Variants in RBMS3 observed in about 807,000 individuals in gnomAD.
RBMS3 encodes the protein RNA-binding motif, single-stranded-interacting protein 3.
RBMS3 carries 27 observed loss-of-function variants against 66.8 expected under a neutral mutation model. The observed-to-expected ratio is 0.40, with a 90% confidence interval of 0.30 to 0.56. The LOEUF (loss-of-function observed/expected upper bound fraction) is 0.56. Ranked by LOEUF, RBMS3 falls within the 20% of genes least tolerant of loss-of-function variation. RBMS3 has a pLI of 0.40. For missense variants in RBMS3, 513 were observed against 549.5 expected, an observed-to-expected ratio of 0.93 and a Z score of 0.66; for synonymous variants, 188 against 183.0, an observed-to-expected ratio of 1.03 and a Z score of -0.22.
chr3:29,683,763 T>C (rs549536954), intron 4 of RBMS3, among the ~76,000 whole-genome samples: 4 of 152,358 alleles, frequency 2.6e-5, no homozygotes, highest in South Asian at 2.1e-4. Context: ...TTTTCTTTCT[T>C]ATCACTTTTT....
chr3:29,861,285 T>C (rs79731431), intron 6 of RBMS3, among the ~76,000 whole-genome samples: 1 of 152,198 alleles, frequency 6.6e-6, no homozygotes, highest in Non-Finnish European at 1.5e-5. Flanking sequence ...ATAAACTGCT[T>C]CTGTTGTCGT....
In RBMS3 at chr3:29,771,299, A is replaced by T. The variant is rs73831018; in HGVS notation, c.637+8310A>T. ...ATTAGACTGTAGGTTTTTCTGAGAAAGAACTTTGATGTTTATCTCTCCCAT... is the reference window on the plus strand; with the variant it reads ...ATTAGACTGTAGGTTTTTCTGAGAATGAACTTTGATGTTTATCTCTCCCAT... On this transcript the variant is annotated intron_variant, in intron 6 of 14. Coordinates refer to ENST00000383767, the MANE Select transcript of RBMS3 (RefSeq NM_001003793.3). Among the ~76,000 whole-genome samples, 70 of 152,150 alleles carry T rather than the reference A, an allele frequency of 4.6e-4. 1 individual carries two copies. The highest frequency in any genetic ancestry group is 1.6e-3 in the African/African-American group (68 of 41,546).
intron 1 of RBMS3, among the ~76,000 whole-genome samples, chr3:29,320,506 CAG>C (rs993151338): frequency 3.3e-5 from 5 of 151,958 alleles, no homozygotes; most frequent in Non-Finnish European, 7.4e-5. Context: ...CATACTATCA[CAG>C]AGAAAAATTT....
chr3:29,738,804 G>A (rs1427602986), intron 4 of RBMS3, among the ~76,000 whole-genome samples: 1 of 152,122 alleles, frequency 6.6e-6, no homozygotes, highest in African/African-American at 2.4e-5. Context: ...GCATTTCTGG[G>A]ACTATACTTT....
intron 8 of RBMS3, among the ~76,000 whole-genome samples, chr3:29,886,089 T>C (rs563434383): frequency 3.9e-5 from 6 of 151,986 alleles, no homozygotes; most frequent in African/African-American, 1.4e-4. Flanking sequence ...ATTTCTAACT[T>C]CTTACATCTT....
chr3:29,364,864 T>C (rs965828975), intron 1 of RBMS3, among the ~76,000 whole-genome samples: 3 of 152,248 alleles, frequency 2.0e-5, no homozygotes, highest in East Asian at 1.9e-4. Context: ...TGTCGACCAA[T>C]TGCTTCCTCC....
At chr3:29,799,011 A>T (rs1230839101) in intron 6 of RBMS3, among the ~76,000 whole-genome samples, 2 of 146,394 alleles carry the variant, frequency 1.4e-5, no homozygotes, top group Admixed American at 1.4e-4. Context: ...TTTTTTCTTC[A>T]ACCTCTTTAA....
At chr3:29,734,414 C>T (rs2054286459) in intron 4 of RBMS3, among the ~76,000 whole-genome samples, 1 of 151,984 alleles carries the variant, frequency 6.6e-6, no homozygotes, top group South Asian at 2.1e-4. Flanking sequence ...ATGTTCCCAA[C>T]ACAAAGAAAT....
chr3:29,603,345 TTTAA>T (rs1438688377), intron 4 of RBMS3, among the ~76,000 whole-genome samples: 1 of 152,022 alleles, frequency 6.6e-6, no homozygotes, highest in African/African-American at 2.4e-5. Flanking sequence ...GCTCTTTCTT[TTTAA>T]TTGAGTAGGA....
intron 4 of RBMS3, among the ~76,000 whole-genome samples, chr3:29,655,841 TG>T (rs1322724801): frequency 1.3e-5 from 2 of 151,980 alleles, no homozygotes; most frequent in African/African-American, 2.4e-5. Context: ...AGACTTCTCG[TG>T]GAGCAGGATG....
At chr3:29,763,020 A>G in intron 6 of RBMS3, 31 bp downstream of exon 6, 1 of 1,411,628 alleles carries the variant, frequency 7.1e-7, no homozygotes. Flanking sequence ...TGACTGAATG[A>G]TGCCGAGGCT....
At chr3:29,761,723 A>G (rs2055697807) in intron 5 of RBMS3, among the ~76,000 whole-genome samples, 1 of 152,140 alleles carries the variant, frequency 6.6e-6, no homozygotes, top group African/African-American at 2.4e-5. Context: ...CCTGAAATGG[A>G]CATAAAATTT....
chr3:29,847,756 C>T (rs370668706), intron 6 of RBMS3, among the ~76,000 whole-genome samples: 38 of 152,004 alleles, frequency 2.5e-4, no homozygotes, highest in African/African-American at 8.4e-4. Context: ...TCCGGGTTCA[C>T]GCCATTCTCC....
intron 12 of RBMS3, among the ~76,000 whole-genome samples, chr3:29,969,977 TAA>T (rs1697119002): frequency 6.6e-6 from 1 of 152,170 alleles, no homozygotes; most frequent in Admixed American, 6.5e-5. Flanking sequence ...AGACAAGACT[TAA>T]GAGTATTTTT....
chr3:29,587,247 TTTGTG>T lies in RBMS3; in HGVS notation c.399+44_399+48del, dbSNP rs1416036284. 3.7e-5 allele frequency: 27 copies of T among 734,206 alleles called. No individual in the cohort carries two copies. The Admixed American group carries it at 4.8e-4, about 13-fold the overall frequency. The allele number at this position is 734,206 out of a possible 1,614,324, so 45.5% of individuals were successfully genotyped here. A position where few individuals can be genotyped will look rare whatever the true frequency, so the allele number is the denominator to read the frequency against. ...GGGGTGTTTTTTTTTTTTTTTTTTT[TTTGTG>T]TGTGTGTGTGTGTGTGTGTGTGTGT... On this transcript the variant is annotated intron_variant, in intron 4 of 14. Coordinates refer to ENST00000383767, the MANE Select transcript of RBMS3 (RefSeq NM_001003793.3).
intron 6 of RBMS3, among the ~76,000 whole-genome samples, chr3:29,790,498 T>C (rs933285367): frequency 6.6e-6 from 1 of 152,158 alleles, no homozygotes; most frequent in African/African-American, 2.4e-5. Flanking sequence ...AGTCCTTGTA[T>C]AGTCATTAGA....
At chr3:29,297,986 T>C (rs2033397634) in intron 1 of RBMS3, among the ~76,000 whole-genome samples, 1 of 151,886 alleles carries the variant, frequency 6.6e-6, no homozygotes, top group Admixed American at 6.6e-5. Flanking sequence ...GCATTGAGCT[T>C]TCAAATATCT....
chr3:29,337,520 G>T (rs902204655), intron 1 of RBMS3, among the ~76,000 whole-genome samples: 24 of 152,052 alleles, frequency 1.6e-4, no homozygotes, highest in East Asian at 1.2e-3. Flanking sequence ...GAGCCTTTTA[G>T]TTCTAGCTAC....
chr3:29,449,814 C>T (rs17723471), intron 2 of RBMS3, among the ~76,000 whole-genome samples: 3,461 of 152,168 alleles, frequency 0.023, 71 homozygotes, highest in Non-Finnish European at 0.037. Context: ...ATAATTTGGC[C>T]CACACAGTTG....
Sources: gnomAD v4.1 joint callset for allele counts (sites outside exome capture counted in the v4.1 genomes callset) on GRCh38, gnomAD v4.1.1 for gene constraint, MANE v1.5 for transcripts, NCBI Gene and HGNC (gene_info 2026-07-23, HGNC 2026-07-21) for gene names.